DYSF: variants seen among roughly 807,000 people sequenced by gnomAD.
The protein encoded by DYSF is dystrophy-associated fer-1-like 1.
In DYSF, 212 loss-of-function variants were observed where a neutral mutation model predicts 274.9. That is an observed-to-expected ratio of 0.77 (90% CI 0.69 to 0.86). DYSF has a LOEUF of 0.86. Ranked by LOEUF, DYSF falls within the 40% of genes least tolerant of loss-of-function variation. DYSF has a pLI of 0.00. For missense variants in DYSF, 2,666 were observed against 2,783.2 expected, an observed-to-expected ratio of 0.96 and a Z score of 0.95; for synonymous variants, 1,091 against 1,078.7, an observed-to-expected ratio of 1.01 and a Z score of -0.22.
intron 41 of DYSF, 49 bp from the exon 42 acceptor site, chr2:71,643,916 C>A (rs1183371606): frequency 6.8e-7 from 1 of 1,459,858 alleles, no homozygotes; most frequent in African/African-American, 1.4e-5. Flanking sequence ...AAGAATGCTG[C>A]TTGGCGAGTC....
intron 10 of DYSF, among the ~76,000 whole-genome samples, chr2:71,517,697 A>G (rs1169864140): frequency 2.0e-5 from 3 of 152,160 alleles, no homozygotes; most frequent in African/African-American, 7.2e-5. Context: ...GCTGGGACAC[A>G]GGGGAGCCGT....
intron 48 of DYSF, among the ~76,000 whole-genome samples, chr2:71,668,445 G>C (rs774911824): frequency 6.6e-6 from 1 of 152,118 alleles, no homozygotes; most frequent in Non-Finnish European, 1.5e-5. Context: ...TAACTGAACG[G>C]TGCTCTTTGA....
At chr2:71,619,712 C>T (rs1362993645) in intron 40 of DYSF, among the ~76,000 whole-genome samples, 1 of 152,146 alleles carries the variant, frequency 6.6e-6, no homozygotes, top group African/African-American at 2.4e-5. Flanking sequence ...TCTACCTTTG[C>T]GCTTGCGATT....
In DYSF at chr2:71,551,737, T is replaced by G; in HGVS notation, c.1806+17T>G. The G allele has an allele frequency of 5.0e-6, 8 of 1,587,180 alleles. No individual in the cohort carries two copies. Among genetic ancestry groups the G allele is most frequent in the Non-Finnish European group, 6.9e-6 (8 of 1,166,066 alleles). ...CGGGTGGAGGTGAGGGGTGTGGCTC[T>G]GGGTGGGAGCTGGGCGTCGGGGCAG... On this transcript the variant is annotated intron_variant, in intron 19 of 55. Transcript: ENST00000410020.
chr2:71,566,596 C>G (rs560429742), intron 24 of DYSF, among the ~76,000 whole-genome samples: 4 of 151,692 alleles, frequency 2.6e-5, no homozygotes, highest in African/African-American at 9.7e-5. Flanking sequence ...TTGGGTCCAG[C>G]AGGCTGGCCC....
chr2:71,551,315 G>A (rs927038366), intron 18 of DYSF, among the ~76,000 whole-genome samples, 159 bp downstream of exon 18: 2 of 152,198 alleles, frequency 1.3e-5, no homozygotes, highest in African/African-American at 4.8e-5. Context: ...CACTGCCTCT[G>A]CCTGAGTGCC....
intron 30 of DYSF, among the ~76,000 whole-genome samples, chr2:71,583,461 C>G (rs1328322273): frequency 6.6e-6 from 1 of 152,220 alleles, no homozygotes; most frequent in East Asian, 1.9e-4. Context: ...TGTGGCCTCC[C>G]TGGTGGCCCC....
chr2:71,579,318 G>C lies in DYSF; in HGVS notation c.3402+4947G>C, dbSNP rs182047616. On this transcript the variant is annotated intron_variant, in intron 30 of 55. Coordinates refer to ENST00000410020, the MANE Select transcript of DYSF (RefSeq NM_001130987.2). Reference sequence around the variant, plus strand: ...TTGGGAAAGGTTCTCTGAGATGCCTGGGCCTGGCAGGGAGGGGAGGGACAG... The same window carrying C: ...TTGGGAAAGGTTCTCTGAGATGCCTCGGCCTGGCAGGGAGGGGAGGGACAG... 8.9e-4 allele frequency among the ~76,000 whole-genome samples: 136 copies of C among 152,264 alleles called. No homozygotes were observed. The South Asian group carries it at 0.011, about 12-fold the overall frequency.
Position 71,601,545 on chromosome 2 carries a change from C to T in DYSF, c.3927+17C>T. On this transcript the variant is annotated intron_variant, in intron 35 of 55. Coordinates refer to ENST00000410020, the MANE Select transcript of DYSF (RefSeq NM_001130987.2). ...GGTTTTGAGGTAAGTCTTGCTCTGA[C>T]CTTTCCTTCTTCAAACTGATTGCCA... The T allele has an allele frequency of 6.2e-7, 1 of 1,614,166 alleles. No homozygotes were observed. The highest frequency in any genetic ancestry group is 8.5e-7 in the Non-Finnish European group (1 of 1,180,012).
chr2:71,661,190 CTTT>C (rs112275022), intron 45 of DYSF, among the ~76,000 whole-genome samples: 1 of 134,730 alleles, frequency 7.4e-6, no homozygotes, highest in African/African-American at 2.7e-5. Flanking sequence ...TTTGCTAATT[CTTT>C]TTTTTTTTTA....
intron 23 of DYSF, among the ~76,000 whole-genome samples, chr2:71,563,034 A>C (rs1186932877): frequency 6.6e-6 from 1 of 152,162 alleles, no homozygotes; most frequent in Admixed American, 6.5e-5. Flanking sequence ...AATCCCTTGG[A>C]GGGCTTGTGA....
intron 16 of DYSF, 88 bp downstream of exon 16, chr2:71,535,399 T>C: frequency 1.5e-6 from 2 of 1,350,752 alleles, no homozygotes; most frequent in Non-Finnish European, 2.1e-6. Context: ...TGACTGGTAG[T>C]AAGAGTGTGA....
chr2:71,605,623 T>C (rs766396926), intron 36 of DYSF, among the ~76,000 whole-genome samples: 3 of 152,136 alleles, frequency 2.0e-5, no homozygotes, highest in Non-Finnish European at 2.9e-5. Context: ...AGGGATCGTA[T>C]GCTTTGTGGC....
upstream of DYSF, among the ~76,000 whole-genome samples, chr2:71,463,773 G>C (rs1416885468): frequency 6.6e-6 from 1 of 152,204 alleles, no homozygotes; most frequent in Non-Finnish European, 1.5e-5. Flanking sequence ...TCTTTCCAGG[G>C]GAACAACTTA....
chr2:71,526,427 G>T, intron 13 of DYSF, 81 bp downstream of exon 13: 1 of 1,530,378 alleles, frequency 6.5e-7, no homozygotes, highest in Non-Finnish European at 8.9e-7. Context: ...ATGGCGGGCG[G>T]GGTCAGCTCC....
intron 30 of DYSF, among the ~76,000 whole-genome samples, chr2:71,589,312 T>C (rs770227425): frequency 2.0e-5 from 3 of 152,182 alleles, no homozygotes; most frequent in Non-Finnish European, 2.9e-5. Flanking sequence ...GGTCATTCCT[T>C]CTAATCTCTT....
At chr2:71,494,013 G>C (rs1408094514) in intron 3 of DYSF, among the ~76,000 whole-genome samples, 2 of 152,176 alleles carry the variant, frequency 1.3e-5, no homozygotes, top group African/African-American at 2.4e-5. Flanking sequence ...GGTAATTAGT[G>C]GGCAGATGTT....
chr2:71,582,211 A>G (rs1050035417), intron 30 of DYSF, among the ~76,000 whole-genome samples: 1 of 152,024 alleles, frequency 6.6e-6, no homozygotes, highest in Non-Finnish European at 1.5e-5. Context: ...CAGCAGCCGA[A>G]CAGTTGCAGC....
chr2:71,551,646 C>T lies in DYSF; in HGVS notation c.1732C>T (p.Leu578=). 1 of 1,610,666 alleles carries T rather than the reference C, an allele frequency of 6.2e-7. No homozygotes were observed. Among genetic ancestry groups the T allele is most frequent in the Non-Finnish European group, 8.5e-7 (1 of 1,179,284 alleles). ...TTATCGTGGCCGGCTTCTGCTCTCC[C>T]TGGAGACCAAGCTGGTGGAGCACAG... is the stretch of plus-strand genomic sequence containing the variant. ...VAYRGRLLLS[L]ETKLVEHSEQ... is the part of the protein sequence containing the mutation. Residue 578 remains leucine, a synonymous_variant, in exon 19 of 56, where the codon CTG becomes TTG. Coordinates refer to ENST00000410020, the MANE Select transcript of DYSF (RefSeq NM_001130987.2).
Sources: gnomAD v4.1 joint callset for allele counts (sites outside exome capture counted in the v4.1 genomes callset) on GRCh38, gnomAD v4.1.1 for gene constraint, MANE v1.5 for transcripts, NCBI Gene and HGNC (gene_info 2026-07-23, HGNC 2026-07-21) for gene names.